Variants in CREB5 observed in about 807,000 individuals in gnomAD.
CREB5 encodes the protein cyclic AMP-responsive element-binding protein 5.
A neutral mutation model predicts 57.1 loss-of-function variants in CREB5; 19 were observed. The observed-to-expected ratio is 0.33, with a 90% CI of 0.23 to 0.49. The LOEUF (loss-of-function observed/expected upper bound fraction) is 0.49, where lower values mean the gene tolerates loss of function less well. Ranked by LOEUF, CREB5 falls within the 20% of genes least tolerant of loss-of-function variation. The pLI is 0.99. For synonymous variants in CREB5, 238 were observed against 238.3 expected, an observed-to-expected ratio of 1.00 and a Z score of 0.01; for missense variants, 579 against 671.6, an observed-to-expected ratio of 0.86 and a Z score of 1.52.
At chr7:28,447,759 GAC>G (rs1789558779) in intron 1 of CREB5, among the ~76,000 whole-genome samples, 1 of 152,114 alleles carries the variant, frequency 6.6e-6, no homozygotes, top group African/African-American at 2.4e-5. Context: ...GGCTTCTGAT[GAC>G]ACAACTGCCC....
chr7:28,743,314 T>A (rs1158331825), intron 7 of CREB5, among the ~76,000 whole-genome samples: 1 of 152,052 alleles, frequency 6.6e-6, no homozygotes, highest in Non-Finnish European at 1.5e-5. Flanking sequence ...AGAAGGATTG[T>A]TTGAGGCCAG....
chr7:28,361,802 A>G (rs1195777689), intron 1 of CREB5, among the ~76,000 whole-genome samples: 1 of 152,192 alleles, frequency 6.6e-6, no homozygotes, highest in East Asian at 1.9e-4. Flanking sequence ...GCATAGAACA[A>G]TAGCACTCTG....
chr7:28,666,545 T>G, intron 5 of CREB5, among the ~76,000 whole-genome samples: 1 of 132,470 alleles, frequency 7.5e-6, no homozygotes, highest in Middle Eastern at 4.5e-3. Flanking sequence ...TTTTAAAATA[T>G]ATATATTTTT....
intron 1 of CREB5, among the ~76,000 whole-genome samples, chr7:28,450,485 T>A (rs761322976): frequency 5.3e-5 from 8 of 152,350 alleles, no homozygotes; most frequent in African/African-American, 1.9e-4. Flanking sequence ...CAATTTCTCA[T>A]GCTGAAGAAA....
intron 4 of CREB5, among the ~76,000 whole-genome samples, chr7:28,560,887 C>CGTGTGTGCGT (rs1795145586): frequency 7.6e-5 from 1 of 13,122 alleles, no homozygotes; most frequent in Non-Finnish European, 1.3e-4. Flanking sequence ...TGCGTGCGTG[C>CGTGTGTGCGT]GTGTGTGTGC....
intron 4 of CREB5, among the ~76,000 whole-genome samples, chr7:28,529,846 A>G (rs895102618): frequency 3.9e-5 from 6 of 152,206 alleles, no homozygotes; most frequent in Admixed American, 1.3e-4. Flanking sequence ...TTACCTTTCT[A>G]TACGTTAATC....
intron 5 of CREB5, among the ~76,000 whole-genome samples, chr7:28,679,859 G>C (rs1182941032): frequency 2.0e-5 from 3 of 152,190 alleles, no homozygotes; most frequent in Admixed American, 1.3e-4. Context: ...GCTCACAGTG[G>C]CTAATTGAGA....
chr7:28,389,461 A>G (rs982855541), intron 1 of CREB5, among the ~76,000 whole-genome samples: 1 of 152,082 alleles, frequency 6.6e-6, no homozygotes, highest in Non-Finnish European at 1.5e-5. Context: ...CAAATTCCCA[A>G]ATCTCCATGT....
chr7:28,363,692 A>G (rs1460560162), intron 1 of CREB5, among the ~76,000 whole-genome samples: 2 of 152,304 alleles, frequency 1.3e-5, no homozygotes, highest in African/African-American at 4.8e-5. Context: ...ATAGAGTAGC[A>G]CTGTGCCATT....
At chr7:28,764,774 C>G (rs1805871437) in intron 7 of CREB5, among the ~76,000 whole-genome samples, 1 of 152,184 alleles carries the variant, frequency 6.6e-6, no homozygotes, top group Non-Finnish European at 1.5e-5. Context: ...TAATTCTTTT[C>G]ACTAGAGTCT....
intron 7 of CREB5, among the ~76,000 whole-genome samples, chr7:28,758,326 G>A (rs1004105783): frequency 5.3e-5 from 8 of 152,186 alleles, no homozygotes; most frequent in Admixed American, 2.6e-4. Context: ...CGGCTTGGCC[G>A]TGGTTTGGCA....
intron 5 of CREB5, among the ~76,000 whole-genome samples, chr7:28,625,969 G>A (rs768148198): frequency 3.9e-5 from 6 of 152,190 alleles, no homozygotes; most frequent in Non-Finnish European, 8.8e-5. Flanking sequence ...GGTACCATAT[G>A]CTTTTCTTCA....
chr7:28,805,478 C>T (rs919053399), intron 8 of CREB5, among the ~76,000 whole-genome samples: 6 of 152,202 alleles, frequency 3.9e-5, no homozygotes, highest in African/African-American at 1.2e-4. Context: ...AGCATGGAAC[C>T]GCCAAAAAAC....
chr7:28,750,091 T>G (rs1233947751), intron 7 of CREB5, among the ~76,000 whole-genome samples: 1 of 152,174 alleles, frequency 6.6e-6, no homozygotes, highest in Non-Finnish European at 1.5e-5. Context: ...CAAATGGAAA[T>G]ATGCATTTTT....
At chr7:28,626,614 A>T (rs1798005166) in intron 5 of CREB5, among the ~76,000 whole-genome samples, 1 of 152,174 alleles carries the variant, frequency 6.6e-6, no homozygotes, top group Non-Finnish European at 1.5e-5. Flanking sequence ...CCCTGGGGTG[A>T]TGGAACAGAA....
chr7:28,809,701 T>C (rs968936737), intron 9 of CREB5, among the ~76,000 whole-genome samples: 9 of 152,314 alleles, frequency 5.9e-5, no homozygotes, highest in African/African-American at 2.2e-4. Flanking sequence ...ATCCAAACCA[T>C]GGTTCAGCAA....
intron 5 of CREB5, among the ~76,000 whole-genome samples, chr7:28,653,209 T>C (rs905710188): frequency 6.6e-6 from 1 of 152,188 alleles, no homozygotes; most frequent in Non-Finnish European, 1.5e-5. Context: ...AAATAAATTA[T>C]AGCTACCATT....
rs190769686 is a variant in CREB5, at chr7:28,601,364, G to A, written c.464+30827G>A. Among the ~76,000 whole-genome samples the A allele has an allele frequency of 1.5e-3, 221 of 152,194 alleles. 1 individual carries two copies. The highest frequency in any genetic ancestry group is 0.01 in the Middle Eastern group (3 of 294). ...AAATGAAAAAGGCATTTGCAGGGAT[G>A]GATTTTTTGTAGTTGGCAAGGTAGA... is the stretch of plus-strand genomic sequence containing the variant. On this transcript the variant is annotated intron_variant, in intron 5 of 10. Coordinates refer to ENST00000357727, the MANE Select transcript of CREB5 (RefSeq NM_182898.4).
intron 5 of CREB5, among the ~76,000 whole-genome samples, chr7:28,611,258 C>A (rs190696863): frequency 1.3e-5 from 2 of 151,928 alleles, no homozygotes; most frequent in African/African-American, 4.8e-5. Flanking sequence ...GTAAATCGCA[C>A]CCCTGTATTA....
Sources: gnomAD v4.1 joint callset for allele counts (sites outside exome capture counted in the v4.1 genomes callset) on GRCh38, gnomAD v4.1.1 for gene constraint, MANE v1.5 for transcripts, NCBI Gene and HGNC (gene_info 2026-07-23, HGNC 2026-07-21) for gene names.